IGSF10: variants seen among roughly 807,000 people sequenced by gnomAD.
IGSF10 encodes the protein immunoglobulin superfamily member 10, also known as calvaria mechanical force protein 608.
IGSF10 carries 126 observed loss-of-function variants against 128.2 expected under a neutral mutation model. The ratio of observed to expected loss-of-function variants is 0.98; its 90% CI spans 0.85 to 1.14. IGSF10 has a LOEUF of 1.14. Among genes scored for constraint, IGSF10 ranks in the 50% most tolerant of loss-of-function variants. The probability of loss-of-function intolerance (pLI) is 0.00; values close to 1 mark genes in which losing one functional copy is unlikely to be tolerated. For synonymous variants in IGSF10, 1,185 were observed against 1,146.2 expected, an observed-to-expected ratio of 1.03 and a Z score of -0.68; for missense variants, 3,295 against 3,149.8, an observed-to-expected ratio of 1.05 and a Z score of -1.10.
At chr3:151,548,372 C>T in the IGSF10 span, among the ~76,000 whole-genome samples, 1 of 152,112 alleles carries the variant, frequency 6.6e-6, no homozygotes, top group African/African-American at 2.4e-5. Context: ...GCCATCTGTC[C>T]GTCATCTCTA....
At chr3:151,449,988 T>C (rs1206878375) in intron 5 of IGSF10, among the ~76,000 whole-genome samples, 4 of 152,096 alleles carry the variant, frequency 2.6e-5, no homozygotes, top group Non-Finnish European at 1.5e-5. Context: ...TTGGATGAGG[T>C]AGATGCACTA....
At chr3:151,592,794 T>C in the IGSF10 span, among the ~76,000 whole-genome samples, 2 of 152,192 alleles carry the variant, frequency 1.3e-5, no homozygotes, top group African/African-American at 4.8e-5. Context: ...AGTGACACTA[T>C]TATCATTACT....
At chr3:151,595,717 CT>C in the IGSF10 span, among the ~76,000 whole-genome samples, 1 of 141,204 alleles carries the variant, frequency 7.1e-6, no homozygotes, top group South Asian at 2.2e-4. Flanking sequence ...TCACTGATAT[CT>C]GGAATCTGAA....
chr3:151,552,581 A>G, the IGSF10 span, among the ~76,000 whole-genome samples: 1 of 152,142 alleles, frequency 6.6e-6, no homozygotes, highest in African/African-American at 2.4e-5. Flanking sequence ...GAGGTTCTCA[A>G]TCTTCTTTCT....
At chr3:151,442,529 G>A (rs950642144) in intron 7 of IGSF10, among the ~76,000 whole-genome samples, 17 of 146,012 alleles carry the variant, frequency 1.2e-4, no homozygotes, top group Admixed American at 7.6e-4. Flanking sequence ...ACAGGCGCCC[G>A]GCCACCATGC....
At chr3:151,525,998 G>A in the IGSF10 span, among the ~76,000 whole-genome samples, 4 of 152,150 alleles carry the variant, frequency 2.6e-5, no homozygotes, top group African/African-American at 9.7e-5. Context: ...AATCTCAAAG[G>A]TCATCTCAGA....
At chr3:151,605,009 T>G in the IGSF10 span, among the ~76,000 whole-genome samples, 1 of 152,214 alleles carries the variant, frequency 6.6e-6, no homozygotes, top group Non-Finnish European at 1.5e-5. Context: ...CATGCCTAAT[T>G]CATCTAACAC....
the IGSF10 span, among the ~76,000 whole-genome samples, chr3:151,597,505 A>G: frequency 2.0e-5 from 3 of 152,198 alleles, no homozygotes; most frequent in Non-Finnish European, 4.4e-5. Context: ...ATTACCTAAC[A>G]GTCATCATCA....
At chr3:151,567,734 C>T in the IGSF10 span, among the ~76,000 whole-genome samples, 1 of 152,142 alleles carries the variant, frequency 6.6e-6, no homozygotes. Context: ...GCTCCTACAC[C>T]CCAGAGCCTG....
At chr3:151,458,493 A>G (rs765790387) in intron 3 of IGSF10, 23 bp downstream of exon 3, 1 of 1,573,318 alleles carries the variant, frequency 6.4e-7, no homozygotes, top group South Asian at 1.1e-5. Context: ...CTTTGAGAAG[A>G]GGAAACATGA....
chr3:151,591,036 G>A, the IGSF10 span, among the ~76,000 whole-genome samples: 1 of 152,112 alleles, frequency 6.6e-6, no homozygotes, highest in African/African-American at 2.4e-5. Flanking sequence ...GCTACGTGTA[G>A]ATTCTAATGG....
the IGSF10 span, among the ~76,000 whole-genome samples, chr3:151,615,126 C>T: frequency 6.7e-6 from 1 of 150,286 alleles, no homozygotes; most frequent in Non-Finnish European, 1.5e-5. Context: ...CATGAAACCT[C>T]TATTTTGGGT....
At chr3:151,560,825 A>G in the IGSF10 span, among the ~76,000 whole-genome samples, 2 of 152,138 alleles carry the variant, frequency 1.3e-5, no homozygotes, top group Admixed American at 6.5e-5. Context: ...AAGCTACAAG[A>G]TGTGTGAGCA....
the IGSF10 span, among the ~76,000 whole-genome samples, chr3:151,574,393 A>T: frequency 0.07 from 10,705 of 151,942 alleles, 826 homozygotes; most frequent in African/African-American, 0.19. Context: ...TAGTCCCATA[A>T]TTTTTGGAGG....
chr3:151,448,998 G>A lies in IGSF10; in HGVS notation c.983C>T (p.Ala328Val). 1.9e-6 allele frequency: 3 copies of A among 1,614,204 alleles called. No individual in the cohort carries two copies. Among genetic ancestry groups the A allele is most frequent in the South Asian group, 1.1e-5 (1 of 91,084 alleles). ...CTTTTGAATACTGCAGACCATGTTA[G>A]CTTCATTTCCAGACTGATCTGTCAT... ...LNMTDQSGNE[A>V]NMVCSIQKPS... Residue 328 changes from alanine to valine, a missense_variant, in exon 6 of 8, where the codon GCT becomes GTT. Coordinates refer to ENST00000282466, the MANE Select transcript of IGSF10 (RefSeq NM_178822.5).
At chr3:151,581,284 A>C in the IGSF10 span, among the ~76,000 whole-genome samples, 1 of 152,214 alleles carries the variant, frequency 6.6e-6, no homozygotes, top group Non-Finnish European at 1.5e-5. Flanking sequence ...TTTAACAGAA[A>C]TCAGCAGTTC....
At chr3:151,608,159 T>C in the IGSF10 span, among the ~76,000 whole-genome samples, 1 of 152,132 alleles carries the variant, frequency 6.6e-6, no homozygotes. Context: ...TAATGTGAAA[T>C]ATGCTTTAGC....
the IGSF10 span, among the ~76,000 whole-genome samples, chr3:151,500,763 C>T: frequency 6.6e-6 from 1 of 152,098 alleles, no homozygotes; most frequent in African/African-American, 2.4e-5. Context: ...ATCGTCTTTT[C>T]TCTGGTATTC....
At chr3:151,550,112 TG>T in the IGSF10 span, among the ~76,000 whole-genome samples, 17 of 152,250 alleles carry the variant, frequency 1.1e-4, 1 homozygote, top group African/African-American at 3.6e-4. Context: ...GAAAATGACT[TG>T]TAGTAGTTCA....
Sources: gnomAD v4.1 joint callset for allele counts (sites outside exome capture counted in the v4.1 genomes callset) on GRCh38, gnomAD v4.1.1 for gene constraint, MANE v1.5 for transcripts, NCBI Gene and HGNC (gene_info 2026-07-23, HGNC 2026-07-21) for gene names.